The following TECTA variants were observed in gnomAD, a reference collection of about 807,000 sequenced individuals.
TECTA encodes the protein tectorin alpha.
TECTA carries 128 observed loss-of-function variants against 216.8 expected under a neutral mutation model. The ratio of observed to expected loss-of-function variants is 0.59; its 90% CI spans 0.51 to 0.68. The LOEUF is 0.68. Ranked by LOEUF, TECTA falls within the 30% of genes least tolerant of loss-of-function variation. TECTA has a pLI of 0.00. For missense variants in TECTA, 2,551 were observed against 2,786.2 expected, an observed-to-expected ratio of 0.92 and a Z score of 1.90; for synonymous variants, 1,089 against 1,117.1, an observed-to-expected ratio of 0.97 and a Z score of 0.50.
chr11:121,143,758 G>A (rs771363239), intron 11 of TECTA, among the ~76,000 whole-genome samples: 2 of 152,156 alleles, frequency 1.3e-5, no homozygotes, highest in Non-Finnish European at 2.9e-5. Flanking sequence ...GACAAAGGTG[G>A]GGTCAAGGGC....
intron 13 of TECTA, among the ~76,000 whole-genome samples, chr11:121,157,091 C>T (rs573175561): frequency 2.0e-5 from 3 of 152,288 alleles, no homozygotes; most frequent in South Asian, 4.1e-4. Context: ...TGCTTTCTTA[C>T]GACTGTTTAA....
Position 121,187,831 on chromosome 11 carries a change from G to T in TECTA, c.6000-1G>T. ...AAGATTCCATTATTTTTTCTGAATA[G>T]GTGTCAGAACCTCAAAGATAACACC... On this transcript the variant is annotated splice_acceptor_variant, in intron 20 of 23. Coordinates refer to ENST00000392793, the MANE Select transcript of TECTA (RefSeq NM_005422.4). LOFTEE classifies it high-confidence loss of function. 1 of 1,614,204 alleles carries T rather than the reference G, an allele frequency of 6.2e-7. No homozygotes were observed. Among genetic ancestry groups the T allele is most frequent in the South Asian group, 1.1e-5 (1 of 91,082 alleles).
chr11:121,106,729 C>G (rs1396037548), intron 3 of TECTA, among the ~76,000 whole-genome samples: 1 of 152,196 alleles, frequency 6.6e-6, no homozygotes, highest in Non-Finnish European at 1.5e-5. Flanking sequence ...CTGGCCATCT[C>G]TACGTCTGGG....
In TECTA at chr11:121,113,393, C is replaced by G. The variant is rs753866283; in HGVS notation, c.625-160C>G. 2.0e-5 allele frequency among the ~76,000 whole-genome samples: 3 copies of G among 152,150 alleles called. No homozygotes were observed. Among genetic ancestry groups the G allele is most frequent in the Non-Finnish European group, 4.4e-5 (3 of 68,026 alleles). ...CACCCTGACTCGGCTATGAAATGAACTAGGCAGTCCTTTCTCACCTAGAAT... is the reference window on the plus strand; with the variant it reads ...CACCCTGACTCGGCTATGAAATGAAGTAGGCAGTCCTTTCTCACCTAGAAT... On this transcript the variant is annotated intron_variant, in intron 5 of 23. Transcript: ENST00000392793. This position sits in a 1 kb window ranked among gnomAD's most constrained non-coding sequence, Gnocchi z 4.2.
chr11:121,163,196 C>T (rs74489525), intron 16 of TECTA, among the ~76,000 whole-genome samples: 2,985 of 152,200 alleles, frequency 0.02, 111 homozygotes, highest in African/African-American at 0.068. Context: ...GCAGACCAAA[C>T]CTGATTAAGT....
intron 3 of TECTA, among the ~76,000 whole-genome samples, chr11:121,107,721 G>A (rs531224495): frequency 8.5e-5 from 13 of 152,292 alleles, no homozygotes; most frequent in East Asian, 3.9e-4. Context: ...GCAGATTCAC[G>A]CAGAGGCTGA....
chr11:121,117,265 T>G (rs191379495), intron 6 of TECTA, among the ~76,000 whole-genome samples: 2 of 152,308 alleles, frequency 1.3e-5, no homozygotes, highest in East Asian at 3.9e-4. Context: ...AACAGCAGTA[T>G]CCACATTTTA....
chr11:121,152,835 G>T, intron 12 of TECTA, 46 bp from the exon 13 acceptor site: 1 of 1,561,930 alleles, frequency 6.4e-7, no homozygotes, highest in Non-Finnish European at 8.7e-7. Context: ...AACCCTCCTC[G>T]GTGCCTTGTG....
chr11:121,180,246 A>G (rs1252306956), intron 20 of TECTA, among the ~76,000 whole-genome samples: 1 of 151,670 alleles, frequency 6.6e-6, no homozygotes, highest in Non-Finnish European at 1.5e-5. Flanking sequence ...TGTTTTTATT[A>G]TGTCATATAT....
At chr11:121,135,597 A>G (rs1055566960) in intron 10 of TECTA, among the ~76,000 whole-genome samples, 2 of 152,252 alleles carry the variant, frequency 1.3e-5, no homozygotes, top group African/African-American at 4.8e-5. Context: ...GCGCAGAGGA[A>G]AAAATGATTG....
At chr11:121,171,947 G>C (rs1253035888) in intron 20 of TECTA, among the ~76,000 whole-genome samples, 1 of 152,092 alleles carries the variant, frequency 6.6e-6, no homozygotes, top group East Asian at 1.9e-4. Context: ...CTAGTACTAT[G>C]TTAATAGGAA....
intron 14 of TECTA, 146 bp from the exon 15 acceptor site, chr11:121,159,989 T>C (rs1946981586): frequency 1.2e-6 from 1 of 838,026 alleles, no homozygotes; most frequent in Non-Finnish European, 1.9e-6. Flanking sequence ...CTATGCCTGC[T>C]GTCATGCTGC....
rs1416266971 is a variant in TECTA at position 121,130,911 on chromosome 11, C to A, written c.2941+700C>A. 3.3e-5 allele frequency among the ~76,000 whole-genome samples: 5 copies of A among 151,946 alleles called. 1 individual carries two copies. Among genetic ancestry groups the A allele is most frequent in the African/African-American group, 1.2e-4 (5 of 41,242 alleles). ...GGTGGGCCCCACACCAAAGCCAAGG[C>A]CACCATTAAGATTCCATCCCCGGCC... is the stretch of plus-strand genomic sequence containing the variant. On this transcript the variant is annotated intron_variant, in intron 10 of 23. Coordinates refer to ENST00000392793, the MANE Select transcript of TECTA (RefSeq NM_005422.4).
intron 9 of TECTA, among the ~76,000 whole-genome samples, chr11:121,129,291 A>G (rs1289677079): frequency 1.1e-4 from 16 of 152,204 alleles, no homozygotes; most frequent in Admixed American, 1.0e-3. Context: ...AAAGGCAGGG[A>G]AGGAGGGGAG....
chr11:121,176,148 C>T lies in TECTA; in HGVS notation c.5999+7223C>T, dbSNP rs891204055. ...GGTCTTGACTCTTTATCCAATTTGC[C>T]AGTCTGTGTCTTTTAATTGGAGTAT... is the stretch of plus-strand genomic sequence containing the variant. On this transcript the variant is annotated intron_variant, in intron 20 of 23. Transcript: ENST00000392793. Among the ~76,000 whole-genome samples the T allele has an allele frequency of 5.3e-5, 8 of 151,572 alleles. 1 individual carries two copies. The highest frequency in any genetic ancestry group is 2.0e-4 in the Admixed American group (3 of 15,240).
At chr11:121,124,546 C>A (rs1454504668) in intron 7 of TECTA, among the ~76,000 whole-genome samples, 1 of 152,242 alleles carries the variant, frequency 6.6e-6, no homozygotes, top group African/African-American at 2.4e-5. Context: ...TGTTCATTTA[C>A]TGCTCTCCCA....
chr11:121,180,409 G>GT (rs202141547), intron 20 of TECTA, among the ~76,000 whole-genome samples: 3,431 of 152,076 alleles, frequency 0.023, 129 homozygotes, highest in African/African-American at 0.077. Flanking sequence ...TGATTAGCAG[G>GT]TTTTTTTTAT....
At chr11:121,183,322 G>T (rs1489680309) in intron 20 of TECTA, among the ~76,000 whole-genome samples, 9 of 152,144 alleles carry the variant, frequency 5.9e-5, no homozygotes, top group Non-Finnish European at 1.3e-4. Context: ...AGGGGCTGGA[G>T]GGTGTGCGAT....
In TECTA at chr11:121,176,479, T is replaced by G. The variant is rs1156872634; in HGVS notation, c.5999+7554T>G. 4.2e-5 allele frequency among the ~76,000 whole-genome samples: 5 copies of G among 117,944 alleles called. 1 individual carries two copies. Among genetic ancestry groups the G allele is most frequent in the Non-Finnish European group, 1.6e-5 (1 of 61,378 alleles). 77.4% of individuals were successfully genotyped at this position (117,944 alleles called of 152,430 possible). A position where few individuals can be genotyped will look rare whatever the true frequency, so the allele number is the denominator to read the frequency against. The stretch of plus-strand genomic sequence containing the variant: ...TTTGGCTGGATATGAAATTCTGGGT[T>G]GAAAATTCTTTTCTTTAAGAATGTC... On this transcript the variant is annotated intron_variant, in intron 20 of 23. Transcript: ENST00000392793.
Sources: gnomAD v4.1 joint callset for allele counts (sites outside exome capture counted in the v4.1 genomes callset) on GRCh38, gnomAD v4.1.1 for gene constraint, Gnocchi (gnomAD v3.1) non-coding constraint, MANE v1.5 for transcripts, NCBI Gene and HGNC (gene_info 2026-07-23, HGNC 2026-07-21) for gene names.